The following COLEC12 variants were observed in gnomAD, a reference collection of about 807,000 sequenced individuals.
COLEC12 encodes the protein collectin subfamily member 12.
A neutral mutation model predicts 71.1 loss-of-function variants in COLEC12; 33 were observed. The ratio of observed to expected loss-of-function variants is 0.46; its 90% CI spans 0.35 to 0.62. The LOEUF (loss-of-function observed/expected upper bound fraction) is 0.62, where lower values mean the gene tolerates loss of function less well. Ranked by LOEUF, COLEC12 falls within the 20% of genes least tolerant of loss-of-function variation. The pLI is 0.00. For missense variants in COLEC12, 765 were observed against 916.1 expected, an observed-to-expected ratio of 0.84 and a Z score of 2.13; for synonymous variants, 350 against 353.0, an observed-to-expected ratio of 0.99 and a Z score of 0.10.
At chr18:347,421 A>T (rs985658379) in intron 4 of COLEC12, 80 bp from the exon 5 acceptor site, 2 of 1,171,244 alleles carry the variant, frequency 1.7e-6, no homozygotes, top group African/African-American at 3.1e-5. Context: ...GAACACACTT[A>T]ATCGGTATGC....
chr18:325,933 G>T (rs576780810), intron 8 of COLEC12, among the ~76,000 whole-genome samples: 4 of 152,210 alleles, frequency 2.6e-5, no homozygotes, highest in Admixed American at 2.6e-4. Context: ...CAAAGGAAAA[G>T]ATCAACTTTG....
chr18:394,324 G>A (rs1322489081), intron 2 of COLEC12, among the ~76,000 whole-genome samples: 1 of 152,242 alleles, frequency 6.6e-6, no homozygotes, highest in Non-Finnish European at 1.5e-5. Context: ...TTTAAGATCA[G>A]CAACCAATTA....
At chr18:469,573 T>A (rs1000767474) in intron 2 of COLEC12, among the ~76,000 whole-genome samples, 21 of 152,126 alleles carry the variant, frequency 1.4e-4, no homozygotes, top group African/African-American at 4.8e-4. Flanking sequence ...ATGAGGTGCA[T>A]ACATCTCCCA....
chr18:378,180 TGTGG>T (rs1254094160), intron 2 of COLEC12, among the ~76,000 whole-genome samples: 1 of 152,108 alleles, frequency 6.6e-6, no homozygotes, highest in Admixed American at 6.5e-5. Context: ...TGCAGTTACT[TGTGG>T]GTGGAATCTC....
intron 2 of COLEC12, among the ~76,000 whole-genome samples, chr18:471,922 G>A (rs967284970): frequency 6.6e-6 from 1 of 152,012 alleles, no homozygotes; most frequent in African/African-American, 2.4e-5. Context: ...TAGACAGAAG[G>A]CCCCTGGGAA....
At chr18:435,325 C>G (rs1391433633) in intron 2 of COLEC12, among the ~76,000 whole-genome samples, 1 of 152,156 alleles carries the variant, frequency 6.6e-6, no homozygotes, top group Non-Finnish European at 1.5e-5. Context: ...AGGAAACTTA[C>G]AATCATGGCA....
At chr18:370,413 C>T (rs1482517949) in intron 2 of COLEC12, among the ~76,000 whole-genome samples, 3 of 152,140 alleles carry the variant, frequency 2.0e-5, no homozygotes, top group Admixed American at 1.3e-4. Flanking sequence ...AAAGAAGAAG[C>T]GGCTTTGGGT....
chr18:370,092 C>A (rs952128640), intron 2 of COLEC12, among the ~76,000 whole-genome samples: 1 of 152,142 alleles, frequency 6.6e-6, no homozygotes, highest in African/African-American at 2.4e-5. Flanking sequence ...ACTGTAAAAG[C>A]AGCAGACTCA....
chr18:363,798 A>C (rs1914798123), intron 2 of COLEC12, among the ~76,000 whole-genome samples: 1 of 152,240 alleles, frequency 6.6e-6, no homozygotes, highest in Admixed American at 6.5e-5. Flanking sequence ...AAATGATGAA[A>C]TATGGAATTA....
At chr18:473,380 T>C (rs1917240101) in intron 2 of COLEC12, among the ~76,000 whole-genome samples, 1 of 152,256 alleles carries the variant, frequency 6.6e-6, no homozygotes, top group Non-Finnish European at 1.5e-5. Context: ...TTTATTTTTT[T>C]GAAACGGAGT....
In COLEC12 at chr18:469,466, T is replaced by G. The variant is rs145054264; in HGVS notation, c.58+11241A>C. Among the ~76,000 whole-genome samples the G allele has an allele frequency of 2.1e-3, 327 of 152,306 alleles. 1 individual carries two copies. The highest frequency in any genetic ancestry group is 7.7e-3 in the African/African-American group (318 of 41,558). Reference sequence around the variant, plus strand: ...TTATTGTCCATGGTGTCCAACACATTATGGATAGGTAGTAAACGTCACATC... The same window carrying G: ...TTATTGTCCATGGTGTCCAACACATGATGGATAGGTAGTAAACGTCACATC... On this transcript the variant is annotated intron_variant, in intron 2 of 9. Transcript: ENST00000400256.
chr18:496,455 A>G lies in COLEC12; in HGVS notation c.7+4053T>C, dbSNP rs373639782. On this transcript the variant is annotated intron_variant, in intron 1 of 9. Transcript: ENST00000400256. Reference sequence around the variant, plus strand: ...CAGAGAAGGGCAGCCCCTATTACCAATCAGTGAAGGGAAAAAGGCCTCATT... The same window carrying G: ...CAGAGAAGGGCAGCCCCTATTACCAGTCAGTGAAGGGAAAAAGGCCTCATT... Among the ~76,000 whole-genome samples, 35 of 152,344 alleles carry G rather than the reference A, an allele frequency of 2.3e-4. 1 individual carries two copies. Among genetic ancestry groups the G allele is most frequent in the Admixed American group, 1.6e-3 (25 of 15,296 alleles).
In COLEC12 at chr18:319,916, A is replaced by AT. The variant is rs978598173; in HGVS notation, c.*128dup. 69 of 695,592 alleles carry AT rather than the reference A, an allele frequency of 9.9e-5. 1 individual carries two copies. Among genetic ancestry groups the AT allele is most frequent in the Middle Eastern group, 5.2e-4 (2 of 3,830 alleles). The allele number at this position is 695,592 out of a possible 1,614,324, so 43.1% of individuals were successfully genotyped here. ...GGATGGTAAAAAACACTAGCTGTCAATTTTTTTTCAGTAATTGGTTTTCAG... is the reference window on the plus strand; with the variant it reads ...GGATGGTAAAAAACACTAGCTGTCAATTTTTTTTTCAGTAATTGGTTTTCAG... On this transcript the variant is annotated 3_prime_UTR_variant, in exon 10 of 10. Transcript: ENST00000400256.
At position 335,082 on chromosome 18, in the gene COLEC12, G is replaced by A; in HGVS notation, c.1476C>T (p.Pro492=). 1 of 1,611,184 alleles carries A rather than the reference G, an allele frequency of 6.2e-7. No homozygotes were observed. Among genetic ancestry groups the A allele is most frequent in the Non-Finnish European group, 8.5e-7 (1 of 1,179,084 alleles). ...GERGPIGPAG[P]PGERGGKGSK... is the part of the protein sequence containing the mutation. ...ATCCTTTGCCGCCACGCTCTCCGGG[G>A]GGACCAGCTGGTCCAATTGGGCCTC... The change falls in exon 6 of 10, where the codon CCC becomes CCT. Residue 492 remains proline, a synonymous_variant. Coordinates refer to ENST00000400256, the MANE Select transcript of COLEC12 (RefSeq NM_130386.3).
At chr18:387,238 A>C (rs1915364296) in intron 2 of COLEC12, among the ~76,000 whole-genome samples, 1 of 152,216 alleles carries the variant, frequency 6.6e-6, no homozygotes, top group African/African-American at 2.4e-5. Flanking sequence ...AGAGGGATAA[A>C]GAATGTTCTG....
In COLEC12 at chr18:347,301, T is replaced by C. The variant is rs1914407424; in HGVS notation, c.321A>G (p.Glu107=). Reference sequence around the variant, plus strand: ...GAATGTCTGATCTGAAGGTGGAGAGTTCTGAGTTGGTGCTGATAGCTTTCT... The same window carrying C: ...GAATGTCTGATCTGAAGGTGGAGAGCTCTGAGTTGGTGCTGATAGCTTTCT... The part of the protein sequence containing the change: ...TGKKAISTNS[E]LSTFRSDILD... Residue 107 remains glutamate, a synonymous_variant, in exon 5 of 10, where the codon GAA becomes GAG. Coordinates refer to ENST00000400256, the MANE Select transcript of COLEC12 (RefSeq NM_130386.3). 1 of 1,613,508 alleles carries C rather than the reference T, an allele frequency of 6.2e-7. No individual in the cohort carries two copies. Among genetic ancestry groups the C allele is most frequent in the African/African-American group, 1.3e-5 (1 of 74,730 alleles).
intron 2 of COLEC12, among the ~76,000 whole-genome samples, chr18:405,373 C>T (rs551046808): frequency 6.6e-6 from 1 of 152,224 alleles, no homozygotes; most frequent in South Asian, 2.1e-4. Context: ...GATCTTTGTA[C>T]CTACTCCCTG....
chr18:403,320 AAAAG>A (rs773009290), intron 2 of COLEC12, among the ~76,000 whole-genome samples: 15 of 152,218 alleles, frequency 9.9e-5, no homozygotes, highest in Admixed American at 2.6e-4. Flanking sequence ...GGTTTGGAAA[AAAAG>A]AAAGAAAGAA....
intron 1 of COLEC12, among the ~76,000 whole-genome samples, chr18:484,953 T>C (rs1284812660): frequency 6.6e-6 from 1 of 152,138 alleles, no homozygotes; most frequent in East Asian, 1.9e-4. Flanking sequence ...GGCTTGTGGT[T>C]GTGGAGATGA....
Sources: gnomAD v4.1 joint callset for allele counts (sites outside exome capture counted in the v4.1 genomes callset) on GRCh38, gnomAD v4.1.1 for gene constraint, MANE v1.5 for transcripts, NCBI Gene and HGNC (gene_info 2026-07-23, HGNC 2026-07-21) for gene names.